Variants in ADK observed in about 807,000 individuals in gnomAD.
ADK encodes adenosine kinase, also known as N6,N6-dimethyladenosine kinase.
In ADK, 24 loss-of-function variants were observed where a neutral mutation model predicts 44.7. The ratio of observed to expected loss-of-function variants is 0.54; its 90% confidence interval spans 0.39 to 0.76. The LOEUF (loss-of-function observed/expected upper bound fraction) is 0.76, where lower values mean the gene tolerates loss of function less well. Among genes scored for constraint, ADK ranks in the 30% least tolerant of loss-of-function variants. ADK has a pLI of 0.00. For missense variants in ADK, 321 were observed against 425.1 expected, an observed-to-expected ratio of 0.76 and a Z score of 2.15; for synonymous variants, 128 against 142.6, an observed-to-expected ratio of 0.90 and a Z score of 0.73.
intron 9 of ADK, among the ~76,000 whole-genome samples, chr10:74,622,798 G>A (rs555684012): frequency 2.0e-5 from 3 of 152,084 alleles, no homozygotes; most frequent in South Asian, 2.1e-4. Context: ...ACCTAAGGTC[G>A]GGAATTCAAG....
intron 3 of ADK, among the ~76,000 whole-genome samples, chr10:74,248,154 G>A (rs899136770): frequency 4.6e-5 from 7 of 152,074 alleles, no homozygotes; most frequent in Middle Eastern, 3.2e-3. Context: ...GGCTTCCTTC[G>A]TGTAGAAGAC....
chr10:74,279,100 G>A (rs1846815342), intron 3 of ADK, among the ~76,000 whole-genome samples: 1 of 150,892 alleles, frequency 6.6e-6, no homozygotes, highest in Admixed American at 6.6e-5. Context: ...CCAAGATGGT[G>A]AAACCTCATC....
chr10:74,334,013 A>T (rs1413090725), intron 4 of ADK, among the ~76,000 whole-genome samples: 1 of 152,176 alleles, frequency 6.6e-6, no homozygotes, highest in Non-Finnish European at 1.5e-5. Flanking sequence ...TTTAAAATTA[A>T]GTTATAATTT....
chr10:74,418,265 T>C (rs146447657), intron 6 of ADK, among the ~76,000 whole-genome samples: 2 of 152,306 alleles, frequency 1.3e-5, no homozygotes, highest in African/African-American at 2.4e-5. Flanking sequence ...TTTCAATCCT[T>C]AGTCCCCTTT....
At chr10:74,494,818 A>G (rs1229271195) in intron 6 of ADK, among the ~76,000 whole-genome samples, 1 of 152,068 alleles carries the variant, frequency 6.6e-6, no homozygotes, top group Non-Finnish European at 1.5e-5. Context: ...GTGAGCCACC[A>G]CACCCGGCCA....
intron 6 of ADK, among the ~76,000 whole-genome samples, chr10:74,451,608 C>T (rs1488888633): frequency 6.6e-6 from 1 of 152,042 alleles, no homozygotes. Flanking sequence ...TTCACTTCTG[C>T]CAGCAATTCA....
At chr10:74,367,418 C>T (rs958598877) in intron 4 of ADK, among the ~76,000 whole-genome samples, 3 of 152,092 alleles carry the variant, frequency 2.0e-5, no homozygotes, top group African/African-American at 7.2e-5. Context: ...ATGAATTTTT[C>T]TGAGGATACA....
chr10:74,569,107 C>A (rs1281783658), intron 7 of ADK, among the ~76,000 whole-genome samples: 1 of 152,162 alleles, frequency 6.6e-6, no homozygotes, highest in Admixed American at 6.5e-5. Context: ...GACATGAACT[C>A]ATCATTTTTT....
chr10:74,695,619 G>GGTTGT (rs1856163181), intron 10 of ADK, among the ~76,000 whole-genome samples: 1 of 90,072 alleles, frequency 1.1e-5, no homozygotes, highest in South Asian at 3.1e-4. Flanking sequence ...GTATGTGTGG[G>GGTTGT]GTGTGTGTGT....
chr10:74,498,158 G>A (rs1847758998), intron 6 of ADK, among the ~76,000 whole-genome samples: 1 of 152,162 alleles, frequency 6.6e-6, no homozygotes, highest in African/African-American at 2.4e-5. Flanking sequence ...CAAAGTGCTG[G>A]AATTACAGGC....
intron 3 of ADK, among the ~76,000 whole-genome samples, chr10:74,282,450 G>GACAC (rs1846977348): frequency 1.3e-5 from 2 of 152,194 alleles, no homozygotes; most frequent in South Asian, 2.1e-4. Context: ...CTTATGAAAA[G>GACAC]ACACTGTAGT....
chr10:74,489,146 C>A (rs1251766266), intron 6 of ADK, among the ~76,000 whole-genome samples: 1 of 151,914 alleles, frequency 6.6e-6, no homozygotes, highest in African/African-American at 2.4e-5. Flanking sequence ...ATGTTTTACT[C>A]ACAAGCAAGG....
chr10:74,480,621 CTTAATT>C (rs1847033756), intron 6 of ADK, among the ~76,000 whole-genome samples: 1 of 152,048 alleles, frequency 6.6e-6, no homozygotes, highest in African/African-American at 2.4e-5. Context: ...ATTTCTTACT[CTTAATT>C]TTATCTTTTT....
At chr10:74,657,899 A>G (rs759257890) in intron 9 of ADK, among the ~76,000 whole-genome samples, 1 of 152,242 alleles carries the variant, frequency 6.6e-6, no homozygotes, top group Non-Finnish European at 1.5e-5. Flanking sequence ...TTGGAGGCCA[A>G]GGACTATAGC....
intron 6 of ADK, among the ~76,000 whole-genome samples, chr10:74,427,711 T>C (rs895053479): frequency 2.9e-5 from 4 of 139,814 alleles, no homozygotes; most frequent in African/African-American, 1.1e-4. Context: ...GCATGTATTT[T>C]TGTATATGTA....
intron 9 of ADK, among the ~76,000 whole-genome samples, chr10:74,619,489 A>G (rs1852903236): frequency 6.6e-6 from 1 of 151,986 alleles, no homozygotes; most frequent in African/African-American, 2.4e-5. Flanking sequence ...GCTTTATTTC[A>G]ATAGTCCCTT....
At chr10:74,542,535 A>G (rs1379065403) in intron 7 of ADK, among the ~76,000 whole-genome samples, 1 of 152,132 alleles carries the variant, frequency 6.6e-6, no homozygotes, top group African/African-American at 2.4e-5. Flanking sequence ...AAATATGTGA[A>G]ACATTTATAT....
intron 1 of ADK, among the ~76,000 whole-genome samples, chr10:74,163,398 G>A (rs1283787808): frequency 6.6e-6 from 1 of 152,174 alleles, no homozygotes; most frequent in Non-Finnish European, 1.5e-5. Flanking sequence ...AGATCCCAGT[G>A]ACCTGTTAGA....
At chr10:74,240,372 TTGTGTG>T (rs142465407) in intron 3 of ADK, among the ~76,000 whole-genome samples, 5,535 of 147,228 alleles carry the variant, frequency 0.038, 363 homozygotes, top group African/African-American at 0.13. Flanking sequence ...TCCTTTTATT[TTGTGTG>T]TGTGTGTGTG....
Sources: gnomAD v4.1 joint callset for allele counts (sites outside exome capture counted in the v4.1 genomes callset) on GRCh38, gnomAD v4.1.1 for gene constraint, MANE v1.5 for transcripts, NCBI Gene and HGNC (gene_info 2026-07-23, HGNC 2026-07-21) for gene names.